EHMT1: variants seen among roughly 807,000 people sequenced by gnomAD.
The protein encoded by EHMT1 is euchromatic histone lysine methyltransferase 1.
A neutral mutation model predicts 147.2 loss-of-function variants in EHMT1; 15 were observed. That is an observed-to-expected ratio of 0.10 (90% CI 0.07 to 0.16). EHMT1 has a LOEUF of 0.16. EHMT1 is among the 10% of genes least tolerant of loss of function. EHMT1 has a pLI of 1.00. For missense variants in EHMT1, 1,587 were observed against 1,772.4 expected, an observed-to-expected ratio of 0.90 and a Z score of 1.88; for synonymous variants, 795 against 709.6, an observed-to-expected ratio of 1.12 and a Z score of -1.91.
At chr9:137,720,919 C>G (rs1032389159) in intron 3 of EHMT1, among the ~76,000 whole-genome samples, 4 of 152,088 alleles carry the variant, frequency 2.6e-5, no homozygotes, top group Admixed American at 1.3e-4. Context: ...TTTCATTGAA[C>G]GAGGAAATTG....
chr9:137,729,473 G>C (rs963996176), intron 4 of EHMT1, among the ~76,000 whole-genome samples: 4 of 152,132 alleles, frequency 2.6e-5, no homozygotes, highest in Admixed American at 6.5e-5. Context: ...TGTAGTCCCA[G>C]CTTCTTGGGA....
At chr9:137,802,150 C>T (rs571144329) in intron 18 of EHMT1, among the ~76,000 whole-genome samples, 45 of 152,332 alleles carry the variant, frequency 3.0e-4, no homozygotes, top group African/African-American at 1.1e-3. Flanking sequence ...CTTCAGGGAC[C>T]CACAAAACCA....
intron 1 of EHMT1, chr9:137,641,543 C>A: frequency 3.0e-6 from 1 of 331,790 alleles, no homozygotes; most frequent in Non-Finnish European, 5.8e-6. Flanking sequence ...TTCTCATCTG[C>A]CCTGAAGAAC....
chr9:137,717,558 A>C (rs1945457774), intron 3 of EHMT1, among the ~76,000 whole-genome samples: 1 of 147,922 alleles, frequency 6.8e-6, no homozygotes, highest in East Asian at 2.0e-4. Context: ...GTGAGCCCGG[A>C]TCACCTCACT....
chr9:137,801,024 G>A (rs779811573), intron 18 of EHMT1, 40 bp downstream of exon 18: 14 of 1,586,226 alleles, frequency 8.8e-6, no homozygotes, highest in South Asian at 2.2e-5. Flanking sequence ...GTGTCCTGGA[G>A]GGGTGGGGAC....
Position 137,653,598 on chromosome 9 carries a change from A to G in EHMT1, c.21+34549A>G, listed in dbSNP as rs1050380449. ...GGCTGGAGTGCAGTGGTGTGATCTC[A>G]GCTCACTGCAACCTCTGCCTCCCAG... On this transcript the variant is annotated intron_variant, in intron 1 of 26. Coordinates refer to ENST00000460843, the MANE Select transcript of EHMT1 (RefSeq NM_024757.5). Among the ~76,000 whole-genome samples, 10 of 151,490 alleles carry G rather than the reference A, an allele frequency of 6.6e-5. No homozygotes were observed. The East Asian group carries it at 1.9e-3, about 29-fold the overall frequency.
intron 9 of EHMT1, among the ~76,000 whole-genome samples, chr9:137,759,019 C>A (rs556196395): frequency 2.6e-5 from 4 of 151,598 alleles, no homozygotes; most frequent in Non-Finnish European, 5.9e-5. Flanking sequence ...CCCAGCTACT[C>A]GGGAGGCTGA....
At chr9:137,825,908 C>T (rs1040891663) in intron 25 of EHMT1, among the ~76,000 whole-genome samples, 1 of 152,012 alleles carries the variant, frequency 6.6e-6, no homozygotes, top group South Asian at 2.1e-4. Flanking sequence ...GTTGTGCAGG[C>T]GTCGGGATGC....
intron 1 of EHMT1, among the ~76,000 whole-genome samples, chr9:137,705,224 C>T (rs1944165227): frequency 6.6e-6 from 1 of 152,104 alleles, no homozygotes; most frequent in Non-Finnish European, 1.5e-5. Context: ...AACTCCTGAG[C>T]TCAAGCAGTC....
chr9:137,787,801 C>G lies in EHMT1; in HGVS notation c.2383-3047C>G, dbSNP rs1952110014. The stretch of plus-strand genomic sequence containing the variant: ...CGTCTAGATCCCAGCCCTGGGGGCC[C>G]TCAGGTTTCAGGGGCCACCCCCCAG... On this transcript the variant is annotated intron_variant, in intron 15 of 26. Coordinates refer to ENST00000460843, the MANE Select transcript of EHMT1 (RefSeq NM_024757.5). This position sits in a 1 kb window ranked among gnomAD's most constrained non-coding sequence, Gnocchi z 4.2. 1.1e-6 allele frequency: 1 copy of G among 871,244 alleles called. No homozygotes were observed. Among genetic ancestry groups the G allele is most frequent in the African/African-American group, 1.6e-5 (1 of 60,850 alleles). 54.0% of individuals were successfully genotyped at this position (871,244 alleles called of 1,614,324 possible). A position where few individuals can be genotyped will look rare whatever the true frequency, so the allele number is the denominator to read the frequency against.
intron 3 of EHMT1, among the ~76,000 whole-genome samples, chr9:137,718,051 G>A (rs920632220): frequency 4.7e-5 from 7 of 149,444 alleles, no homozygotes; most frequent in Admixed American, 2.0e-4. Flanking sequence ...CGCAGGGTGC[G>A]CCCACCCCTC....
intron 1 of EHMT1, among the ~76,000 whole-genome samples, chr9:137,647,799 G>A (rs1466665344): frequency 6.6e-6 from 1 of 151,968 alleles, no homozygotes; most frequent in East Asian, 1.9e-4. Context: ...GTTTCACCGT[G>A]TTGCCCAGGC....
In EHMT1 at chr9:137,678,138, C is replaced by T. The variant is rs116220689; in HGVS notation, c.22-32829C>T. On this transcript the variant is annotated intron_variant, in intron 1 of 26. Coordinates refer to ENST00000460843, the MANE Select transcript of EHMT1 (RefSeq NM_024757.5). ...GTTTAGTGGAAAAATAGATTAAAAA[C>T]TAGTATATAATCCACTAATATAAAA... Among the ~76,000 whole-genome samples, 269 of 152,210 alleles carry T rather than the reference C, an allele frequency of 1.8e-3. 2 individuals carry two copies. Among genetic ancestry groups the T allele is most frequent in the African/African-American group, 5.9e-3 (247 of 41,538 alleles).
intron 1 of EHMT1, among the ~76,000 whole-genome samples, chr9:137,698,726 A>G (rs1485717358): frequency 6.6e-6 from 1 of 152,220 alleles, no homozygotes; most frequent in Admixed American, 6.5e-5. Context: ...CCAGTGTCGC[A>G]GTCAACACAG....
chr9:137,657,132 A>G (rs1228569376), intron 1 of EHMT1, among the ~76,000 whole-genome samples: 1 of 152,110 alleles, frequency 6.6e-6, no homozygotes, highest in African/African-American at 2.4e-5. Context: ...AAACAGACGG[A>G]ACTTGTGTGT....
rs1247331559 is a variant in EHMT1 at position 137,813,503 on chromosome 9, C to T, written c.3153C>T (p.Asn1051=). Residue 1051 remains asparagine (N), a synonymous_variant, in exon 21 of 27, where the codon AAC becomes AAT. Transcript: ENST00000460843. The surrounding 1 kb of genome is among the most constrained non-coding windows in gnomAD (Gnocchi z 4.9). ...VSQNCVTSPM[N]IDRNITHLQY... ...AGAACTGCGTGACGTCCCCCATGAA[C>T]ATCGACAGAAATATCACTCATCTGC... 2 of 1,614,046 alleles carry T rather than the reference C, an allele frequency of 1.2e-6. No homozygotes were observed. Among genetic ancestry groups the T allele is most frequent in the Non-Finnish European group, 1.7e-6 (2 of 1,180,034 alleles).
intron 18 of EHMT1, among the ~76,000 whole-genome samples, chr9:137,807,006 TG>T: frequency 6.6e-6 from 1 of 152,268 alleles, no homozygotes; most frequent in East Asian, 1.9e-4. Context: ...TTAGTTTGTC[TG>T]TAAAGCAATT....
chr9:137,653,406 C>T (rs1464294523), intron 1 of EHMT1, among the ~76,000 whole-genome samples: 2 of 152,152 alleles, frequency 1.3e-5, no homozygotes, highest in African/African-American at 4.8e-5. Flanking sequence ...GTTCACAGAA[C>T]AGTGAAGTTG....
chr9:137,729,868 A>G (rs773060019), intron 4 of EHMT1, among the ~76,000 whole-genome samples: 1 of 152,210 alleles, frequency 6.6e-6, no homozygotes, highest in Non-Finnish European at 1.5e-5. Flanking sequence ...GTGAGGAAGT[A>G]TACCGCGACG....
Sources: gnomAD v4.1 joint callset for allele counts (sites outside exome capture counted in the v4.1 genomes callset) on GRCh38, gnomAD v4.1.1 for gene constraint, Gnocchi (gnomAD v3.1) non-coding constraint, MANE v1.5 for transcripts, NCBI Gene and HGNC (gene_info 2026-07-23, HGNC 2026-07-21) for gene names.